WNK3: variants seen among roughly 807,000 people sequenced by gnomAD.
WNK3 encodes WNK lysine deficient protein kinase 3.
A neutral mutation model predicts 116.7 loss-of-function variants in WNK3; 18 were observed. That is an observed-to-expected ratio of 0.15 (90% CI 0.11 to 0.23). The LOEUF (loss-of-function observed/expected upper bound fraction) is 0.23, where lower values mean the gene tolerates loss of function less well. Ranked by LOEUF, WNK3 falls within the 10% of genes least tolerant of loss-of-function variation. WNK3 has a pLI of 1.00. For missense variants in WNK3, 993 were observed against 1,323.8 expected, an observed-to-expected ratio of 0.75 and a Z score of 3.88; for synonymous variants, 404 against 469.4, an observed-to-expected ratio of 0.86 and a Z score of 1.80.
chrX:54,246,453 G>A, intron 17 of WNK3, among the ~76,000 whole-genome samples: 1 of 110,889 alleles, frequency 9.0e-6, no homozygotes, highest in East Asian at 2.8e-4. Context: ...AATAATCCAA[G>A]AGGCCATATA....
intron 22 of WNK3, among the ~76,000 whole-genome samples, chrX:54,204,508 C>T (rs913571529): frequency 4.5e-5 from 5 of 112,166 alleles, no homozygotes; most frequent in Non-Finnish European, 5.6e-5. Context: ...TTTAAAACAA[C>T]ATTTACTAAT....
At chrX:54,289,364 GC>G (rs1323607212) in intron 10 of WNK3, among the ~76,000 whole-genome samples, 10 of 110,728 alleles carry the variant, frequency 9.0e-5, no homozygotes, top group Admixed American at 4.9e-4. Context: ...ATCACAAAGG[GC>G]AGCTGCTCAG....
At chrX:54,285,279 G>A (rs1374005963) in intron 10 of WNK3, among the ~76,000 whole-genome samples, 1 of 110,961 alleles carries the variant, frequency 9.0e-6, no homozygotes. Flanking sequence ...GGAGTGGTGC[G>A]CACCTGTGGT....
Position 54,245,145 on chromosome X carries a change from C to CGTGTGTGT in WNK3, c.3651+3544_3651+3551dup, listed in dbSNP as rs782272022. ...TTGTGCATTTATGTACATATATATG[C>CGTGTGTGT]GTGTGTGTGTGTGTGTGTGTGTGTG... is the stretch of plus-strand genomic sequence containing the variant. On this transcript the variant is annotated intron_variant, in intron 17 of 23. Coordinates refer to ENST00000354646, the Ensembl canonical transcript of WNK3. 8.2e-3 allele frequency among the ~76,000 whole-genome samples: 698 copies of CGTGTGTGT among 84,651 alleles called. 11 individuals are homozygous for CGTGTGTGT. The highest frequency in any genetic ancestry group is 0.025 in the African/African-American group (566 of 22,694). 73.5% of individuals were successfully genotyped at this position (84,651 alleles called of 115,157 possible).
At chrX:54,271,342 A>AT (rs1294953739) in intron 10 of WNK3, among the ~76,000 whole-genome samples, 6 of 110,712 alleles carry the variant, frequency 5.4e-5, no homozygotes, top group Admixed American at 1.9e-4. Context: ...CTGTAAACTG[A>AT]TTTTTTTTTA....
chrX:54,242,259 T>C (rs2068030131), intron 17 of WNK3, among the ~76,000 whole-genome samples: 1 of 111,513 alleles, frequency 9.0e-6, no homozygotes, highest in African/African-American at 3.3e-5. Flanking sequence ...TCTTATACAC[T>C]GAAAACTACA....
intron 1 of WNK3, among the ~76,000 whole-genome samples, chrX:54,342,632 C>G (rs1422539462): frequency 3.6e-5 from 4 of 110,118 alleles, no homozygotes; most frequent in Non-Finnish European, 7.6e-5. Flanking sequence ...ATCAAATATG[C>G]CTTTTAAAAA....
At chrX:54,342,382 A>G (rs1335642753) in intron 1 of WNK3, among the ~76,000 whole-genome samples, 5 of 111,065 alleles carry the variant, frequency 4.5e-5, no homozygotes, top group Non-Finnish European at 9.4e-5. Context: ...CCTAGCCAAC[A>G]TGGTGAAACC....
intron 2 of WNK3, among the ~76,000 whole-genome samples, chrX:54,327,109 T>C (rs1161229320): frequency 2.7e-5 from 3 of 111,646 alleles, no homozygotes; most frequent in Non-Finnish European, 3.8e-5. Context: ...GAAATGCAGG[T>C]GTTTATAGCC....
At chrX:54,255,804 T>C in exon 12 of WNK3, 1 of 1,210,264 alleles carries the variant, frequency 8.3e-7, no homozygotes, top group Non-Finnish European at 1.1e-6. Context: ...TCTTCTCTGT[T>C]TGATCCGATC....
intron 10 of WNK3, among the ~76,000 whole-genome samples, chrX:54,285,898 C>T (rs2068574927): frequency 8.9e-6 from 1 of 111,778 alleles, no homozygotes; most frequent in African/African-American, 3.2e-5. Flanking sequence ...CTGATGTTGG[C>T]AACTTCCTTT....
chrX:54,238,317 T>C (rs1557150687), intron 19 of WNK3, 25 bp downstream of exon 19: 1 of 1,198,196 alleles, frequency 8.3e-7, no homozygotes, highest in Non-Finnish European at 1.1e-6. Flanking sequence ...CCCTTGTAGA[T>C]AAGGATTCAA....
intron 6 of WNK3, 136 bp from the exon 7 acceptor site, chrX:54,298,530 TATAAAAACCAA>T (rs1960913883): frequency 4.2e-6 from 2 of 471,896 alleles, no homozygotes; most frequent in South Asian, 4.5e-5. Flanking sequence ...TCTGCCTTGT[TATAAAAACCAA>T]ATCTCTTTAA....
At chrX:54,348,924 A>T (rs1471282122) in intron 1 of WNK3, among the ~76,000 whole-genome samples, 2 of 112,528 alleles carry the variant, frequency 1.8e-5, no homozygotes, top group Non-Finnish European at 3.7e-5. Context: ...CAAGAAAATC[A>T]ACTAAAAAAC....
At chrX:54,292,775 T>G in intron 10 of WNK3, 113 bp downstream of exon 10, 1 of 722,948 alleles carries the variant, frequency 1.4e-6, no homozygotes. Context: ...TAGCTTTTGG[T>G]GACCTTTCTC....
At chrX:54,211,676 C>T (rs1408573924) in intron 22 of WNK3, among the ~76,000 whole-genome samples, 1 of 109,244 alleles carries the variant, frequency 9.2e-6, no homozygotes, top group Non-Finnish European at 1.9e-5. Flanking sequence ...TGGTGGCGGG[C>T]GCCTGTAGCC....
intron 6 of WNK3, among the ~76,000 whole-genome samples, chrX:54,299,449 G>GTTTT (rs11383477): frequency 2.4e-5 from 2 of 83,698 alleles, no homozygotes; most frequent in African/African-American, 4.6e-5. Flanking sequence ...GTGTTTTGGT[G>GTTTT]TTTTTTTTTT....
chrX:54,198,154 C>T, exon 24 of WNK3: 2 of 389,325 alleles, frequency 5.1e-6, no homozygotes, highest in Non-Finnish European at 4.2e-6. Flanking sequence ...CACATTTCTA[C>T]AGAATGATGA....
chrX:54,333,828 T>A, intron 1 of WNK3, 36 bp from the exon 2 acceptor site: 1 of 426,683 alleles, frequency 2.3e-6, no homozygotes, highest in Non-Finnish European at 4.0e-6. Context: ...AAAATCACCC[T>A]ACAAAGGAAA....
Sources: gnomAD v4.1 joint callset for allele counts (sites outside exome capture counted in the v4.1 genomes callset) on GRCh38, gnomAD v4.1.1 for gene constraint, MANE v1.5 for transcripts, NCBI Gene and HGNC (gene_info 2026-07-23, HGNC 2026-07-21) for gene names.